FIP1L1: variants seen among roughly 807,000 people sequenced by gnomAD.
FIP1L1 encodes the protein pre-mRNA 3'-end-processing factor FIP1.
In FIP1L1, 21 loss-of-function variants were observed where a neutral mutation model predicts 84.6. The ratio of observed to expected loss-of-function variants is 0.25; its 90% CI spans 0.18 to 0.36. The LOEUF (loss-of-function observed/expected upper bound fraction) is 0.36, where lower values mean the gene tolerates loss of function less well. Among genes scored for constraint, FIP1L1 ranks in the 10% least tolerant of loss-of-function variants. The pLI, the probability that FIP1L1 is intolerant of heterozygous loss-of-function variation, is 1.00. For synonymous variants in FIP1L1, 263 were observed against 242.3 expected, an observed-to-expected ratio of 1.09 and a Z score of -0.80; for missense variants, 526 against 751.1, an observed-to-expected ratio of 0.70 and a Z score of 3.50.
intron 3 of FIP1L1, 39 bp downstream of exon 3, chr4:53,379,303 G>T: frequency 1.3e-6 from 2 of 1,515,234 alleles, no homozygotes; most frequent in South Asian, 1.3e-5. Context: ...TACACAGGTT[G>T]TGTGAAACAA....
intron 16 of FIP1L1, among the ~76,000 whole-genome samples, chr4:53,458,111 T>C (rs185979949): frequency 6.5e-4 from 99 of 152,310 alleles, no homozygotes; most frequent in African/African-American, 2.4e-3. Flanking sequence ...CTGTTCTTTA[T>C]TTTTATACTT....
At chr4:53,417,852 GTCTCAC>G (rs911483951) in intron 11 of FIP1L1, among the ~76,000 whole-genome samples, 1 of 127,386 alleles carries the variant, frequency 7.9e-6, no homozygotes, top group African/African-American at 2.9e-5. Context: ...AACACACACT[GTCTCAC>G]TCTCACTCTC....
intron 11 of FIP1L1, among the ~76,000 whole-genome samples, chr4:53,420,273 T>A (rs1244079175): frequency 9.4e-6 from 1 of 106,798 alleles, no homozygotes; most frequent in East Asian, 2.6e-4. Flanking sequence ...AAAAAAAAAT[T>A]AAAAAAAAAA....
intron 12 of FIP1L1, among the ~76,000 whole-genome samples, chr4:53,427,154 C>T (rs1764660218): frequency 6.6e-6 from 1 of 152,076 alleles, no homozygotes; most frequent in African/African-American, 2.4e-5. Flanking sequence ...TCAGCATAAG[C>T]CCTACAAAAA....
At chr4:53,406,177 C>T (rs904148135) in intron 10 of FIP1L1, among the ~76,000 whole-genome samples, 5 of 152,080 alleles carry the variant, frequency 3.3e-5, no homozygotes, top group Admixed American at 6.5e-5. Context: ...TTTTGAGATA[C>T]GTCCTATTTA....
chr4:53,445,865 A>T (rs1773966432), intron 15 of FIP1L1, among the ~76,000 whole-genome samples: 1 of 152,126 alleles, frequency 6.6e-6, no homozygotes, highest in Non-Finnish European at 1.5e-5. Context: ...GCTCAAAATA[A>T]TCCTTATGTC....
intron 3 of FIP1L1, among the ~76,000 whole-genome samples, chr4:53,380,526 A>C (rs1183942267): frequency 6.6e-6 from 1 of 152,172 alleles, no homozygotes; most frequent in Non-Finnish European, 1.5e-5. Context: ...TCCTGTTTGA[A>C]TGGGTAGATT....
rs5858213 is a variant in FIP1L1 at position 53,460,055 on chromosome 4, AAATT to A, written c.*616_*619del. On this transcript the variant is annotated 3_prime_UTR_variant, in exon 18 of 18. Transcript: ENST00000337488. ...GGCATCTGGGTGGCCTCTATGAAAT[AAATT>A]AATTAATTACCCATAGTGTAGTTTC... is the stretch of plus-strand genomic sequence containing the variant. The A allele has an allele frequency of 0.82, 160,853 of 197,250 alleles. 65,841 individuals carry two copies. The highest frequency in any genetic ancestry group is 0.85 in the Non-Finnish European group (81,199 of 95,444). 12.2% of individuals were successfully genotyped at this position (197,250 alleles called of 1,614,324 possible). A position where few individuals can be genotyped will look rare whatever the true frequency, so the allele number is the denominator to read the frequency against.
At chr4:53,401,541 G>A (rs1236248780) in intron 10 of FIP1L1, among the ~76,000 whole-genome samples, 1 of 152,222 alleles carries the variant, frequency 6.6e-6, no homozygotes, top group Non-Finnish European at 1.5e-5. Context: ...AGATAATGGT[G>A]TGGAGATGTT....
intron 13 of FIP1L1, chr4:53,442,260 A>G (rs1050144049): frequency 6.4e-6 from 1 of 156,802 alleles, no homozygotes; most frequent in African/African-American, 2.4e-5. Context: ...AACTCGAAAT[A>G]TTTTTTGAAA....
intron 16 of FIP1L1, among the ~76,000 whole-genome samples, chr4:53,453,761 G>A (rs1196221585): frequency 6.6e-6 from 1 of 152,110 alleles, no homozygotes; most frequent in African/African-American, 2.4e-5. Context: ...CACCATGCTT[G>A]GCTGATTTTT....
Position 53,459,516 on chromosome 4 carries a change from G to A in FIP1L1, c.*67G>A. ...ATACTATAAATCTTGTTATTTTTCT[G>A]GATAATGTTTAAGAAATTTACCTTA... On this transcript the variant is annotated 3_prime_UTR_variant, in exon 18 of 18. Coordinates refer to ENST00000337488, the MANE Select transcript of FIP1L1 (RefSeq NM_030917.4). 1 of 1,598,412 alleles carries A rather than the reference G, an allele frequency of 6.3e-7. No individual in the cohort carries two copies. Among genetic ancestry groups the A allele is most frequent in the Non-Finnish European group, 8.5e-7 (1 of 1,169,944 alleles).
At chr4:53,382,396 T>C in intron 4 of FIP1L1, 61 bp downstream of exon 4, 1 of 1,381,306 alleles carries the variant, frequency 7.2e-7, no homozygotes, top group Non-Finnish European at 1.0e-6. Flanking sequence ...CTTCACAGTT[T>C]ACATAGAAAG....
chr4:53,418,614 GTTTA>G (rs1410731768), intron 11 of FIP1L1, among the ~76,000 whole-genome samples: 1 of 152,094 alleles, frequency 6.6e-6, no homozygotes, highest in Non-Finnish European at 1.5e-5. Context: ...CTAATGCACA[GTTTA>G]TTTTTTTATT....
chr4:53,444,362 ATTTGTCACC>A, intron 15 of FIP1L1, among the ~76,000 whole-genome samples: 1 of 152,302 alleles, frequency 6.6e-6, no homozygotes, highest in South Asian at 2.1e-4. Context: ...AGGATTTAGG[ATTTGTCACC>A]AATTTGTCTC....
In FIP1L1 at chr4:53,396,263, A is replaced by G. The variant is rs1406264279; in HGVS notation, c.706-3467A>G. On this transcript the variant is annotated intron_variant, in intron 9 of 17. Coordinates refer to ENST00000337488, the MANE Select transcript of FIP1L1 (RefSeq NM_030917.4). ...TAACTTTAAGTAGGCCTTTTAAAGG[A>G]ATTATCTATACAAAGCAATCATGGA... Among the ~76,000 whole-genome samples, 8 of 152,148 alleles carry G rather than the reference A, an allele frequency of 5.3e-5. No individual in the cohort carries two copies. The East Asian group carries it at 1.5e-3, about 29-fold the overall frequency.
At chr4:53,426,906 TC>T (rs1226615072) in intron 12 of FIP1L1, among the ~76,000 whole-genome samples, 4 of 152,100 alleles carry the variant, frequency 2.6e-5, no homozygotes, top group African/African-American at 9.7e-5. Flanking sequence ...AACTGAGACT[TC>T]CAGCTATTCA....
At chr4:53,388,042 T>C (rs376943488) in intron 5 of FIP1L1, among the ~76,000 whole-genome samples, 1 of 152,232 alleles carries the variant, frequency 6.6e-6, no homozygotes, top group Non-Finnish European at 1.5e-5. Context: ...TGGTCCACTT[T>C]GTAATTTTTG....
intron 10 of FIP1L1, among the ~76,000 whole-genome samples, chr4:53,414,200 C>G (rs1315737274): frequency 6.6e-6 from 1 of 152,012 alleles, no homozygotes; most frequent in African/African-American, 2.4e-5. Context: ...GTTGCACTAA[C>G]AATACTTATA....
Sources: allele counts gnomAD v4.1 joint callset (sites outside exome capture counted in the v4.1 genomes callset), GRCh38; gene constraint gnomAD v4.1.1; transcripts MANE v1.5; gene names NCBI Gene and HGNC (gene_info 2026-07-23, HGNC 2026-07-21).